The following CDH13 variants were observed in gnomAD, a reference collection of about 807,000 sequenced individuals.
CDH13 encodes the protein cadherin 13.
A neutral mutation model predicts 63.8 loss-of-function variants in CDH13; 24 were observed. The observed-to-expected ratio is 0.38, with a 90% CI of 0.27 to 0.53. The LOEUF (loss-of-function observed/expected upper bound fraction) is 0.53, where lower values mean the gene tolerates loss of function less well. CDH13 is among the 20% of genes least tolerant of loss of function. The pLI is 0.85. For synonymous variants in CDH13, 503 were observed against 355.3 expected (o/e 1.42, Z -4.67); for missense variants, 1,049 against 903.1 (o/e 1.16, Z -2.07).
chr16:82,671,140 G>A (rs1913193251), intron 1 of CDH13, among the ~76,000 whole-genome samples: 1 of 152,210 alleles, frequency 6.6e-6, no homozygotes, highest in South Asian at 2.1e-4. Flanking sequence ...ATACAAGTCT[G>A]TGCAGTGCTA....
chr16:82,957,038 T>C (rs909001205), intron 2 of CDH13, among the ~76,000 whole-genome samples: 1 of 152,162 alleles, frequency 6.6e-6, no homozygotes, highest in African/African-American at 2.4e-5. Flanking sequence ...AAAACCTGGC[T>C]TCCCTCTTAT....
chr16:82,795,183 G>A (rs1220822002), intron 1 of CDH13, among the ~76,000 whole-genome samples: 1 of 152,160 alleles, frequency 6.6e-6, no homozygotes, highest in Non-Finnish European at 1.5e-5. Flanking sequence ...TTTAGCTCTG[G>A]TCTGAGAGTT....
At chr16:83,298,953 G>C (rs1290905868) in intron 5 of CDH13, among the ~76,000 whole-genome samples, 1 of 152,136 alleles carries the variant, frequency 6.6e-6, no homozygotes, top group Non-Finnish European at 1.5e-5. Flanking sequence ...CTGTTTCTGA[G>C]TGTAAAAGTA....
chr16:82,697,859 T>C (rs144404279), intron 1 of CDH13, among the ~76,000 whole-genome samples: 31 of 152,180 alleles, frequency 2.0e-4, no homozygotes, highest in Middle Eastern at 3.4e-3. Context: ...GCACTGCTGA[T>C]AATAGCTTGT....
chr16:83,405,914 G>T (rs971840025), intron 6 of CDH13, among the ~76,000 whole-genome samples: 17 of 152,204 alleles, frequency 1.1e-4, no homozygotes, highest in African/African-American at 4.1e-4. Context: ...AAGGCACACA[G>T]TTCAAAGTTA....
chr16:83,714,031 C>T (rs1301121838), intron 10 of CDH13, among the ~76,000 whole-genome samples: 1 of 151,612 alleles, frequency 6.6e-6, no homozygotes, highest in Non-Finnish European at 1.5e-5. Context: ...GATCTCTAGC[C>T]CACCCTATAC....
intron 6 of CDH13, among the ~76,000 whole-genome samples, chr16:83,472,782 C>A (rs1056583552): frequency 6.6e-6 from 1 of 152,048 alleles, no homozygotes; most frequent in Non-Finnish European, 1.5e-5. Flanking sequence ...GATCGAATCT[C>A]CTTTTGCTCC....
chr16:83,314,246 C>G (rs987773345), intron 5 of CDH13, among the ~76,000 whole-genome samples: 4 of 152,100 alleles, frequency 2.6e-5, no homozygotes, highest in African/African-American at 4.8e-5. Flanking sequence ...TCTTTTTTAA[C>G]CAACTATCTT....
At chr16:83,152,993 C>G (rs1180931553) in intron 4 of CDH13, among the ~76,000 whole-genome samples, 1 of 152,186 alleles carries the variant, frequency 6.6e-6, no homozygotes, top group African/African-American at 2.4e-5. Context: ...ACAGTAACCA[C>G]CAAAAGCCGT....
At chr16:83,369,079 C>T (rs528831480) in intron 6 of CDH13, among the ~76,000 whole-genome samples, 92 of 150,940 alleles carry the variant, frequency 6.1e-4, no homozygotes, top group African/African-American at 2.2e-3. Context: ...TAGTAGATAC[C>T]TAGTAGCAGG....
intron 6 of CDH13, among the ~76,000 whole-genome samples, chr16:83,380,293 T>A (rs991380374): frequency 6.6e-6 from 1 of 152,188 alleles, no homozygotes; most frequent in African/African-American, 2.4e-5. Flanking sequence ...GTGTGCTGAT[T>A]TTCATACTAT....
At chr16:82,661,983 G>T (rs547418073) in intron 1 of CDH13, among the ~76,000 whole-genome samples, 22 of 152,316 alleles carry the variant, frequency 1.4e-4, no homozygotes, top group African/African-American at 5.3e-4. Context: ...TCACAGGAGA[G>T]GAATTTTAAG....
chr16:83,194,882 C>T (rs984470179), intron 4 of CDH13, among the ~76,000 whole-genome samples: 4 of 152,176 alleles, frequency 2.6e-5, no homozygotes, highest in Non-Finnish European at 5.9e-5. Flanking sequence ...TTCATTCCTA[C>T]AATCTCCTTT....
chr16:83,583,709 A>G (rs1598328868), intron 7 of CDH13, among the ~76,000 whole-genome samples: 3 of 151,342 alleles, frequency 2.0e-5, no homozygotes, highest in Admixed American at 2.0e-4. Flanking sequence ...GGAGTTTGAG[A>G]CCAGCCTCGT....
intron 3 of CDH13, among the ~76,000 whole-genome samples, chr16:83,036,273 C>T (rs1916847796): frequency 6.6e-6 from 1 of 151,062 alleles, no homozygotes; most frequent in South Asian, 2.1e-4. Flanking sequence ...CCTCAGCCTT[C>T]TGAGTGGCTG....
chr16:82,738,801 C>T (rs1036258815), intron 1 of CDH13, among the ~76,000 whole-genome samples: 1 of 152,172 alleles, frequency 6.6e-6, no homozygotes, highest in African/African-American at 2.4e-5. Flanking sequence ...TTGGTGGTTC[C>T]TTTTATCTCA....
At chr16:82,951,702 G>T (rs188520861) in intron 2 of CDH13, among the ~76,000 whole-genome samples, 2 of 152,288 alleles carry the variant, frequency 1.3e-5, no homozygotes, top group East Asian at 3.9e-4. Context: ...ACTCCAAAGA[G>T]AGGGTCCATT....
chr16:83,338,992 G>A (rs550412286), intron 5 of CDH13, among the ~76,000 whole-genome samples: 2 of 152,286 alleles, frequency 1.3e-5, no homozygotes, highest in South Asian at 4.1e-4. Flanking sequence ...AAGACACCCT[G>A]GAAGCCCTAT....
At chr16:83,044,046 A>C (rs1917564984) in intron 3 of CDH13, among the ~76,000 whole-genome samples, 2 of 152,172 alleles carry the variant, frequency 1.3e-5, no homozygotes, top group Non-Finnish European at 2.9e-5. Flanking sequence ...GCATTTTTTG[A>C]AAGGATGGAA....
Sources: allele counts gnomAD v4.1 joint callset (sites outside exome capture counted in the v4.1 genomes callset), GRCh38; gene constraint gnomAD v4.1.1; transcripts MANE v1.5; gene names NCBI Gene and HGNC (gene_info 2026-07-23, HGNC 2026-07-21).